BAIAP3: variants seen among roughly 807,000 people sequenced by gnomAD.
BAIAP3 encodes the protein BAI1 associated protein 3, also known as BAI1-associated protein 3.
In BAIAP3, 180 loss-of-function variants were observed where a neutral mutation model predicts 149.7. The observed-to-expected ratio is 1.20, with a 90% CI of 1.07 to 1.36. The LOEUF (loss-of-function observed/expected upper bound fraction) is 1.36. BAIAP3 is among the 40% of genes most tolerant of loss of function. The probability of loss-of-function intolerance (pLI) is 0.00; values close to 1 mark genes in which losing one functional copy is unlikely to be tolerated. For synonymous variants in BAIAP3, 845 were observed against 670.7 expected (o/e 1.26, Z -4.02); for missense variants, 1,767 against 1,563.4 (o/e 1.13, Z -2.20).
Position 1,348,537 on chromosome 16 carries a change from C to A in BAIAP3, c.*55C>A. The A allele has an allele frequency of 6.6e-7, 1 of 1,514,680 alleles. No homozygotes were observed. Among genetic ancestry groups the A allele is most frequent in the Non-Finnish European group, 9.0e-7 (1 of 1,114,026 alleles). 93.8% of individuals were successfully genotyped at this position (1,514,680 alleles called of 1,614,324 possible). ...CCCCACCCCAAGTTCCCTGAAGCATCCTCCAGCTCACTGTGGCCAGCTTTG... is the reference window on the plus strand; with the variant it reads ...CCCCACCCCAAGTTCCCTGAAGCATACTCCAGCTCACTGTGGCCAGCTTTG... On this transcript the variant is annotated 3_prime_UTR_variant, in exon 34 of 34. Coordinates refer to ENST00000426824, the MANE Select transcript of BAIAP3 (RefSeq NM_001199097.2).
rs370213781 is a variant in BAIAP3, at chr16:1,344,860, T to C, written c.1809+11T>C. On this transcript the variant is annotated intron_variant, in intron 20 of 33. Transcript: ENST00000426824. ...CAGCTGGAGCGTCTGGTGAGGAGGG[T>C]CCCTGACCCCGGGTGCCTGCCAGGC... The C allele has an allele frequency of 1.3e-5, 21 of 1,613,430 alleles. No individual in the cohort carries two copies. The African/African-American group carries it at 2.8e-4, about 22-fold the overall frequency.
Position 1,347,562 on chromosome 16 carries a change from G to A in BAIAP3, c.2841G>A (p.Leu947=). 1 of 1,610,748 alleles carries A rather than the reference G, an allele frequency of 6.2e-7. No individual in the cohort carries two copies. Among genetic ancestry groups the A allele is most frequent in the Non-Finnish European group, 8.5e-7 (1 of 1,179,042 alleles). The part of the protein sequence containing the change: ...DGSYKRLKEE[L]RLHKCSTREC... ...CCCTGCAGAGGCTGAAGGAGGAGCT[G>A]CGGCTGCACAAATGTTCCACCCGCG... The change falls in exon 30 of 34, where the codon CTG becomes CTA. Residue 947 remains leucine, a synonymous_variant. Transcript: ENST00000426824.
In BAIAP3 at chr16:1,344,123, C is replaced by T. The variant is rs368803623; in HGVS notation, c.1488C>T (p.Val496=). Residue 496 remains valine, a synonymous_variant, in exon 16 of 34, where the codon GTC becomes GTT. Transcript: ENST00000426824. Reference sequence around the variant, plus strand: ...TCCCTGCCACCAACAGCACCGCTGTCCACCGCCTGGAGCTGCTGCTGAAGT... The same window carrying T: ...TCCCTGCCACCAACAGCACCGCTGTTCACCGCCTGGAGCTGCTGCTGAAGT... ...DYFPATNSTA[V]HRLELLLKCL... The T allele has an allele frequency of 2.5e-6, 4 of 1,611,880 alleles. No homozygotes were observed. The Admixed American group carries it at 6.7e-5, about 27-fold the overall frequency.
intron 1 of BAIAP3, among the ~76,000 whole-genome samples, chr16:1,335,181 G>T (rs1014272302): frequency 6.6e-6 from 1 of 152,228 alleles, no homozygotes; most frequent in African/African-American, 2.4e-5. Context: ...GCTGTGAAAT[G>T]AGATGTGCCA....
chr16:1,348,167 T>C lies in BAIAP3; in HGVS notation c.3221T>C (p.Leu1074Pro). ...VLFTVMDHDW[L>P]STNDFAGEAA... ...TTCACCGTCATGGACCACGACTGGC[T>C]GTCCACCAACGACTTCGCTGGGGAG... is the stretch of plus-strand genomic sequence containing the variant. Residue 1074 changes from leucine (L) to proline (P), a missense_variant, in exon 33 of 34, where the codon CTG (leucine) becomes CCG (proline). Leu to Pro is a moderately conservative substitution (Grantham distance 98). Transcript: ENST00000426824. The C allele has an allele frequency of 6.2e-7, 1 of 1,608,918 alleles. No homozygotes were observed. Among genetic ancestry groups the C allele is most frequent in the Non-Finnish European group, 8.5e-7 (1 of 1,179,754 alleles).
intron 5 of BAIAP3, 152 bp from the exon 6 acceptor site, chr16:1,340,770 C>A (rs1051338168): frequency 2.5e-6 from 2 of 795,488 alleles, no homozygotes; most frequent in Non-Finnish European, 4.1e-6. Flanking sequence ...TGGCACAAAC[C>A]CTCTGCCGCT....
rs765225848 is a variant in BAIAP3, at chr16:1,346,470, A to G, written c.2522A>G (p.Gln841Arg). The change falls in exon 26 of 34, where the codon CAG becomes CGG. Residue 841 changes from glutamine to arginine, a missense_variant. By Grantham distance (43) the Gln-to-Arg change is conservative. Coordinates refer to ENST00000426824, the MANE Select transcript of BAIAP3 (RefSeq NM_001199097.2). ...GTGGGCGACATCCGCAAGTATGTAC[A>G]GCACATCAGTCTCTCGCCTGACTCC... ...KMVGDIRKYVQHISLSPDSIQ... is the reference protein window; with the variant it reads ...KMVGDIRKYVRHISLSPDSIQ... The G allele has an allele frequency of 1.8e-5, 29 of 1,612,394 alleles. No homozygotes were observed. Among genetic ancestry groups the G allele is most frequent in the Non-Finnish European group, 3.4e-6 (4 of 1,179,752 alleles).
intron 1 of BAIAP3, among the ~76,000 whole-genome samples, chr16:1,334,189 C>G (rs1335819233): frequency 1.3e-5 from 2 of 152,186 alleles, no homozygotes; most frequent in South Asian, 2.1e-4. Context: ...CGTCCCTTCC[C>G]TCCTCCCGCA....
chr16:1,346,695 G>A lies in BAIAP3; in HGVS notation c.2642+11G>A, dbSNP rs753421584. On this transcript the variant is annotated intron_variant, in intron 27 of 33. Transcript: ENST00000426824. The stretch of plus-strand genomic sequence containing the variant: ...GGGGAACCTGAGCAGGTGCGGGCGG[G>A]TGGGGTGGGATGGGCTGGGCTGGCC... The A allele has an allele frequency of 1.3e-6, 2 of 1,533,698 alleles. No individual in the cohort carries two copies. The highest frequency in any genetic ancestry group is 1.8e-6 in the Non-Finnish European group (2 of 1,141,850).
At chr16:1,338,734 C>G in intron 2 of BAIAP3, 54 bp downstream of exon 2, 1 of 1,561,226 alleles carries the variant, frequency 6.4e-7, no homozygotes, top group Non-Finnish European at 8.7e-7. Context: ...TCCCGCCAGA[C>G]TTCACACATG....
In BAIAP3 at chr16:1,344,117, C is replaced by T. The variant is rs375132106; in HGVS notation, c.1482C>T (p.Thr494=). 1.5e-5 allele frequency: 24 copies of T among 1,611,906 alleles called. No individual in the cohort carries two copies. The highest frequency in any genetic ancestry group is 1.2e-4 in the Admixed American group (7 of 59,998). ...LRDYFPATNS[T]AVHRLELLLK... is the part of the protein sequence containing the mutation. ...ACTACTTCCCTGCCACCAACAGCAC[C>T]GCTGTCCACCGCCTGGAGCTGCTGC... is the stretch of plus-strand genomic sequence containing the variant. The change falls in exon 16 of 34, where the codon ACC becomes ACT. Residue 494 remains threonine, a synonymous_variant. Transcript: ENST00000426824.
At position 1,344,958 on chromosome 16, in the gene BAIAP3, G is replaced by A. The variant is rs201700902; in HGVS notation, c.1810-11G>A. Reference sequence around the variant, plus strand: ...TTGCTGCTGGAGGCCTGATCCTGCTGTCCCGGACAGGTGGCTGAGGAGGCG... The same window carrying A: ...TTGCTGCTGGAGGCCTGATCCTGCTATCCCGGACAGGTGGCTGAGGAGGCG... On this transcript the variant is annotated splice_polypyrimidine_tract_variant and intron_variant, in intron 20 of 33. Transcript: ENST00000426824. 6.8e-6 allele frequency: 11 copies of A among 1,613,414 alleles called. No individual in the cohort carries two copies. Among genetic ancestry groups the A allele is most frequent in the African/African-American group, 4.0e-5 (3 of 75,020 alleles).
In BAIAP3 at chr16:1,345,834, C is replaced by T. The variant is rs768914948; in HGVS notation, c.2152C>T (p.Arg718Cys). 13 of 1,579,240 alleles carry T rather than the reference C, an allele frequency of 8.2e-6. No individual in the cohort carries two copies. Among genetic ancestry groups the T allele is most frequent in the Admixed American group, 5.4e-5 (3 of 55,112 alleles). Residue 718 changes from arginine (R) to cysteine (C), a missense_variant, in exon 23 of 34, where the codon CGC (arginine) becomes TGC (cysteine). Transcript: ENST00000426824. ...CLSHIQELWV[R>C]LAWPDPAQAQ... is the part of the protein sequence containing the mutation. ...CAGCCACATCCAGGAGTTGTGGGTG[C>T]GCCTGGCGTGGCCTGACCCTGCCCA...
chr16:1,345,107 C>A lies in BAIAP3; in HGVS notation c.1940+8C>A. Reference sequence around the variant, plus strand: ...GGATAGCATCCCTGGCCGGTGGGTGCCCCGTCCCTATCTCTTGCAGACAGA... The same window carrying A: ...GGATAGCATCCCTGGCCGGTGGGTGACCCGTCCCTATCTCTTGCAGACAGA... On this transcript the variant is annotated splice_region_variant and intron_variant, in intron 21 of 33. Transcript: ENST00000426824. 1 of 1,612,396 alleles carries A rather than the reference C, an allele frequency of 6.2e-7. No individual in the cohort carries two copies. The highest frequency in any genetic ancestry group is 8.5e-7 in the Non-Finnish European group (1 of 1,179,912).
chr16:1,341,091 T>C, intron 6 of BAIAP3, 38 bp from the exon 7 acceptor site: 3 of 1,610,742 alleles, frequency 1.9e-6, no homozygotes, highest in South Asian at 2.2e-5. Flanking sequence ...GGGGGGCAGC[T>C]CAGCCTCACC....
intron 1 of BAIAP3, chr16:1,334,419 G>C: frequency 1.8e-6 from 1 of 549,170 alleles, no homozygotes; most frequent in South Asian, 2.2e-5. Context: ...TGGCTCCTGC[G>C]GGCGCCCGGG....
rs749417767 is a variant in BAIAP3, at chr16:1,345,013, G to A, written c.1854G>A (p.Lys618=). The change falls in exon 21 of 34, where the codon AAG becomes AAA. Residue 618 remains lysine (K), a synonymous_variant. Transcript: ENST00000426824. ...TGCTGACGGAGGAGCTGAGCCCCAA[G>A]ATGACCCTGGAGGTGGCCTCGGGGC... ...AWVLTEELSP[K]MTLEVASGLF... is the part of the protein sequence containing the mutation. 4 of 1,612,696 alleles carry A rather than the reference G, an allele frequency of 2.5e-6. No homozygotes were observed. Among genetic ancestry groups the A allele is most frequent in the East Asian group, 2.2e-5 (1 of 44,882 alleles).
Position 1,342,966 on chromosome 16 carries a change from C to T in BAIAP3, c.1215C>T (p.Leu405=). 1 of 1,611,496 alleles carries T rather than the reference C, an allele frequency of 6.2e-7. No individual in the cohort carries two copies. The highest frequency in any genetic ancestry group is 8.5e-7 in the Non-Finnish European group (1 of 1,179,840). The change falls in exon 14 of 34, where the codon CTC becomes CTT. Residue 405 remains leucine, a synonymous_variant. Transcript: ENST00000426824. The part of the protein sequence containing the change: ...GELSTPAATI[L]CLHGAQSNLS... ...TCAGCACACCAGCCGCCACCATCCT[C>T]TGCCTGCACGGAGCCCAGAGCAACC...
intron 1 of BAIAP3, among the ~76,000 whole-genome samples, chr16:1,335,235 G>A (rs923029905): frequency 1.4e-4 from 21 of 152,240 alleles, no homozygotes; most frequent in African/African-American, 5.1e-4. Context: ...CAGGCCTGGG[G>A]GACAGCCAGG....
Sources: gnomAD v4.1 joint callset for allele counts (sites outside exome capture counted in the v4.1 genomes callset) on GRCh38, gnomAD v4.1.1 for gene constraint, MANE v1.5 for transcripts, NCBI Gene and HGNC (gene_info 2026-07-23, HGNC 2026-07-21) for gene names.